CARMIL1: variants seen among roughly 807,000 people sequenced by gnomAD.
The protein encoded by CARMIL1 is capping protein regulator and myosin 1 linker 1, also known as F-actin-uncapping protein LRRC16A.
CARMIL1 carries 90 observed loss-of-function variants against 177.1 expected under a neutral mutation model. The observed-to-expected ratio is 0.51, with a 90% CI of 0.43 to 0.61. The LOEUF (loss-of-function observed/expected upper bound fraction) is 0.61. Among genes scored for constraint, CARMIL1 ranks in the 20% least tolerant of loss-of-function variants. The pLI, the probability that CARMIL1 is intolerant of heterozygous loss-of-function variation, is 0.00. For missense variants in CARMIL1, 1,380 were observed against 1,667.0 expected, an observed-to-expected ratio of 0.83 and a Z score of 3.00; for synonymous variants, 577 against 606.2, an observed-to-expected ratio of 0.95 and a Z score of 0.71.
chr6:25,442,566 T>C (rs1797873688), intron 5 of CARMIL1, among the ~76,000 whole-genome samples: 1 of 152,014 alleles, frequency 6.6e-6, no homozygotes, highest in Admixed American at 6.6e-5. Context: ...GGAAAACAAC[T>C]TCTGTAGAGT....
At chr6:25,346,704 ATTTG>A (rs1487603511) in intron 2 of CARMIL1, among the ~76,000 whole-genome samples, 1 of 149,496 alleles carries the variant, frequency 6.7e-6, no homozygotes, top group Non-Finnish European at 1.5e-5. Context: ...TGTCATAAGT[ATTTG>A]TTTAAGAGAA....
intron 13 of CARMIL1, among the ~76,000 whole-genome samples, chr6:25,490,830 A>G (rs999829445): frequency 2.6e-5 from 4 of 152,206 alleles, no homozygotes; most frequent in African/African-American, 9.7e-5. Context: ...TGCTCTTCTG[A>G]ATTCCTTGAT....
At chr6:25,409,108 A>G (rs1340861820) in intron 2 of CARMIL1, among the ~76,000 whole-genome samples, 4 of 152,212 alleles carry the variant, frequency 2.6e-5, no homozygotes, top group Non-Finnish European at 4.4e-5. Flanking sequence ...CCATCACCAT[A>G]TAGAAATGGA....
At chr6:25,350,282 C>T (rs914004057) in intron 2 of CARMIL1, among the ~76,000 whole-genome samples, 8 of 152,092 alleles carry the variant, frequency 5.3e-5, no homozygotes, top group East Asian at 1.9e-4. Flanking sequence ...GACTGGTGCC[C>T]GGGGCTGCAT....
chr6:25,499,009 G>A (rs760063617), intron 16 of CARMIL1, among the ~76,000 whole-genome samples: 3 of 152,196 alleles, frequency 2.0e-5, no homozygotes, highest in Non-Finnish European at 4.4e-5. Context: ...GTCAGGGAGT[G>A]GGAGGAGGGG....
chr6:25,416,612 A>G (rs745452452), intron 2 of CARMIL1, among the ~76,000 whole-genome samples: 3 of 152,174 alleles, frequency 2.0e-5, no homozygotes, highest in Non-Finnish European at 4.4e-5. Flanking sequence ...ATATATTTTT[A>G]TGAATACTGA....
At chr6:25,485,696 A>G (rs528702054) in intron 12 of CARMIL1, among the ~76,000 whole-genome samples, 1 of 152,328 alleles carries the variant, frequency 6.6e-6, no homozygotes, top group South Asian at 2.1e-4. Flanking sequence ...CAGCCTCCCA[A>G]AGTGCTGGGA....
At chr6:25,605,928 T>C in intron 34 of CARMIL1, 133 bp from the exon 35 acceptor site, 1 of 641,214 alleles carries the variant, frequency 1.6e-6, no homozygotes. Flanking sequence ...GAACAGCATA[T>C]TCTTAAAATA....
chr6:25,367,442 G>A (rs925982038), intron 2 of CARMIL1, among the ~76,000 whole-genome samples: 4 of 152,186 alleles, frequency 2.6e-5, no homozygotes, highest in African/African-American at 4.8e-5. Context: ...TGAGGAGCAG[G>A]AAGTGTGGGG....
chr6:25,452,112 C>G (rs780756665), intron 8 of CARMIL1: 1 of 762,250 alleles, frequency 1.3e-6, no homozygotes, highest in Admixed American at 1.7e-5. Context: ...AAAAAGTATA[C>G]TAGCTGGATA....
At chr6:25,528,708 AAGTT>A in intron 23 of CARMIL1, 83 bp from the exon 24 acceptor site, 1 of 984,886 alleles carries the variant, frequency 1.0e-6, no homozygotes, top group Admixed American at 2.0e-5. Flanking sequence ...TTCGGTTTTT[AAGTT>A]CGGCAACTGA....
rs1807454358 is a variant in CARMIL1, at chr6:25,529,043, TACTG to T, written c.2067+152_2067+155del. 1.3e-5 allele frequency: 8 copies of T among 632,882 alleles called. No homozygotes were observed. The Admixed American group carries it at 1.6e-4, about 12-fold the overall frequency. The allele number at this position is 632,882 out of a possible 1,614,324, so 39.2% of individuals were successfully genotyped here. A position where few individuals can be genotyped will look rare whatever the true frequency, so the allele number is the denominator to read the frequency against. Reference sequence around the variant, plus strand: ...AATCTAAGTAGAGTTTGAGGGAAGATACTGAAGGAGGAAAAGGTAGGCTAATTCT... The same window carrying T: ...AATCTAAGTAGAGTTTGAGGGAAGATAAGGAGGAAAAGGTAGGCTAATTCT... On this transcript the variant is annotated intron_variant, in intron 24 of 36. Transcript: ENST00000329474.
In CARMIL1 at chr6:25,333,531, G is replaced by A. The variant is rs145276449; in HGVS notation, c.138+48622G>A. 5.9e-5 allele frequency among the ~76,000 whole-genome samples: 9 copies of A among 152,322 alleles called. No homozygotes were observed. The East Asian group carries it at 1.5e-3, about 26-fold the overall frequency. On this transcript the variant is annotated intron_variant, in intron 2 of 36. Transcript: ENST00000329474. ...CTGTGAGCCAAGATTGTGCCACTGC[G>A]CTCCAGCCTGAGTGACAGAGCAAGA...
intron 2 of CARMIL1, among the ~76,000 whole-genome samples, chr6:25,303,014 C>A (rs1029539163): frequency 6.6e-6 from 1 of 152,070 alleles, no homozygotes; most frequent in African/African-American, 2.4e-5. Flanking sequence ...CTTTTCTGCA[C>A]GTCATTTTAG....
chr6:25,405,633 T>A (rs989569208), intron 2 of CARMIL1, among the ~76,000 whole-genome samples: 1 of 152,238 alleles, frequency 6.6e-6, no homozygotes, highest in Middle Eastern at 3.2e-3. Flanking sequence ...TTGAACACAG[T>A]AGGCAAAAGG....
intron 2 of CARMIL1, among the ~76,000 whole-genome samples, chr6:25,373,710 G>A (rs540714261): frequency 6.2e-4 from 94 of 151,856 alleles, no homozygotes; most frequent in Middle Eastern, 6.8e-3. Flanking sequence ...AGCCTTCCGA[G>A]TAGCTGGGAT....
At chr6:25,604,925 G>T in intron 34 of CARMIL1, 32 bp downstream of exon 34, 2 of 1,532,592 alleles carry the variant, frequency 1.3e-6, no homozygotes, top group Non-Finnish European at 1.8e-6. Context: ...ACCCCCTTAG[G>T]AAAAGCGCTT....
chr6:25,490,216 G>T (rs1194668657), intron 13 of CARMIL1, among the ~76,000 whole-genome samples: 2 of 152,150 alleles, frequency 1.3e-5, no homozygotes, highest in Non-Finnish European at 2.9e-5. Flanking sequence ...CTTTGGAGAA[G>T]TGTGGCCAAA....
intron 23 of CARMIL1, among the ~76,000 whole-genome samples, chr6:25,524,574 C>G (rs773282475): frequency 3.3e-5 from 5 of 152,126 alleles, no homozygotes; most frequent in Non-Finnish European, 7.4e-5. Context: ...TTTCAGCTTT[C>G]AGCCAAAAAT....
Sources: allele counts gnomAD v4.1 joint callset (sites outside exome capture counted in the v4.1 genomes callset), GRCh38; gene constraint gnomAD v4.1.1; transcripts MANE v1.5; gene names NCBI Gene and HGNC (gene_info 2026-07-23, HGNC 2026-07-21).